GUCY1B1: variants seen among roughly 807,000 people sequenced by gnomAD.
The protein encoded by GUCY1B1 is guanylate cyclase 1 soluble subunit beta 1, also known as guanylate cyclase soluble subunit beta-1.
Under a neutral mutation model 71.0 loss-of-function variants are expected in GUCY1B1, and 43 were observed. The ratio of observed to expected loss-of-function variants is 0.61; its 90% CI spans 0.47 to 0.78. The LOEUF (loss-of-function observed/expected upper bound fraction) is 0.78, where lower values mean the gene tolerates loss of function less well. Ranked by LOEUF, GUCY1B1 falls within the 30% of genes least tolerant of loss-of-function variation. The pLI, the probability that GUCY1B1 is intolerant of heterozygous loss-of-function variation, is 0.00. For synonymous variants in GUCY1B1, 266 were observed against 259.7 expected (o/e 1.02, Z -0.23); for missense variants, 535 against 754.1 (o/e 0.71, Z 3.40).
intron 2 of GUCY1B1, among the ~76,000 whole-genome samples, chr4:155,761,439 T>C (rs1034652262): frequency 6.6e-6 from 1 of 152,310 alleles, no homozygotes. Context: ...ACAATGAATA[T>C]GCTTAGAATT....
chr4:155,792,625 G>A (rs1401800694), intron 5 of GUCY1B1, among the ~76,000 whole-genome samples: 7 of 149,908 alleles, frequency 4.7e-5, no homozygotes, highest in African/African-American at 1.2e-4. Context: ...CAGAGAATGC[G>A]ACAGGGTACT....
rs1381131412 is a variant in GUCY1B1, at chr4:155,806,837, G to A, written c.*428G>A. On this transcript the variant is annotated 3_prime_UTR_variant, in exon 14 of 14. Transcript: ENST00000264424. ...CATATATGTATATGTATATTTTAATGACTATAATGTAATAAAGTTTATATC... is the reference window on the plus strand; with the variant it reads ...CATATATGTATATGTATATTTTAATAACTATAATGTAATAAAGTTTATATC... 6.4e-6 allele frequency: 1 copy of A among 156,904 alleles called. No homozygotes were observed. Among genetic ancestry groups the A allele is most frequent in the African/African-American group, 2.4e-5 (1 of 41,536 alleles). The allele number at this position is 156,904 out of a possible 1,614,324, so 9.7% of individuals were successfully genotyped here. A position where few individuals can be genotyped will look rare whatever the true frequency, so the allele number is the denominator to read the frequency against.
chr4:155,773,247 T>C (rs758194550), intron 2 of GUCY1B1, among the ~76,000 whole-genome samples: 2 of 152,202 alleles, frequency 1.3e-5, no homozygotes, highest in East Asian at 1.9e-4. Flanking sequence ...CAGTTGGCCA[T>C]GTGGGTTTTT....
chr4:155,803,739 T>C lies in GUCY1B1; in HGVS notation c.1529T>C (p.Val510Ala). ...ALDMMEIAGQ[V>A]QVDGESVQIT... The stretch of plus-strand genomic sequence containing the variant: ...GACATGATGGAAATTGCTGGCCAGG[T>C]TCAAGTAGATGGTGAATCTGTTCAG... The change falls in exon 11 of 14, where the codon GTT becomes GCT. Residue 510 changes from valine (V) to alanine (A), a missense_variant. Val to Ala is a moderately conservative substitution (Grantham distance 64). Coordinates refer to ENST00000264424, the MANE Select transcript of GUCY1B1 (RefSeq NM_000857.5). The C allele has an allele frequency of 6.3e-7, 1 of 1,596,618 alleles. No individual in the cohort carries two copies.
At chr4:155,794,338 G>C (rs991325767) in intron 6 of GUCY1B1, among the ~76,000 whole-genome samples, 3 of 151,942 alleles carry the variant, frequency 2.0e-5, no homozygotes, top group African/African-American at 7.3e-5. Flanking sequence ...TAGTATACTT[G>C]TTACAGTGAA....
At position 155,777,500 on chromosome 4, in the gene GUCY1B1, TCCCC is replaced by T. The variant is rs1579210609; in HGVS notation, c.179-23_179-20del. 8.6e-7 allele frequency: 1 copy of T among 1,166,220 alleles called. No homozygotes were observed. The highest frequency in any genetic ancestry group is 1.3e-6 in the Non-Finnish European group (1 of 772,096). The allele number at this position is 1,166,220 out of a possible 1,614,324, so 72.2% of individuals were successfully genotyped here. On this transcript the variant is annotated intron_variant, in intron 3 of 13. Transcript: ENST00000264424. The stretch of plus-strand genomic sequence containing the variant: ...TATTTCACCTATTATATGCTTTTTT[TCCCC>T]TCTTGAATTTGTAAAATAGATCTCA...
At position 155,803,633 on chromosome 4, in the gene GUCY1B1, G is replaced by A; in HGVS notation, c.1423G>A (p.Val475Ile). ...ATATATGTACTGTTAGGTGGAGACT[G>A]TTGGTGACAAGTATATGACAGTGAG... ...KNPFVYKVETVGDKYMTVSGL... is the reference protein window; with the variant it reads ...KNPFVYKVETIGDKYMTVSGL... Residue 475 changes from valine to isoleucine, a missense_variant, in exon 11 of 14, where the codon GTT becomes ATT. Physicochemically the swap from Val to Ile is conservative, Grantham distance 29 (BLOSUM62 3). Transcript: ENST00000264424. 3 of 1,586,380 alleles carry A rather than the reference G, an allele frequency of 1.9e-6. No homozygotes were observed. The highest frequency in any genetic ancestry group is 2.6e-6 in the Non-Finnish European group (3 of 1,166,620).
intron 2 of GUCY1B1, among the ~76,000 whole-genome samples, chr4:155,770,707 G>A (rs1737637437): frequency 6.6e-6 from 1 of 152,168 alleles, no homozygotes. Context: ...GAAAGGAAGT[G>A]GCCCCAGAAA....
At position 155,807,473 on chromosome 4, in the gene GUCY1B1, A is replaced by G. The variant is rs1740394751; in HGVS notation, c.*1064A>G. The G allele has an allele frequency of 6.6e-6, 1 of 152,164 alleles. No individual in the cohort carries two copies. Among genetic ancestry groups the G allele is most frequent in the South Asian group, 2.1e-4 (1 of 4,834 alleles). The allele number at this position is 152,164 out of a possible 1,614,324, so 9.4% of individuals were successfully genotyped here. On this transcript the variant is annotated 3_prime_UTR_variant, in exon 14 of 14. Transcript: ENST00000264424. ...TATCTTTATAAAATAGAGTGCAACT[A>G]CTTTTGTGTAAAAATGTTTGCCTTT... is the stretch of plus-strand genomic sequence containing the variant.
chr4:155,801,220 C>G (rs1739930731), intron 9 of GUCY1B1, among the ~76,000 whole-genome samples: 1 of 151,538 alleles, frequency 6.6e-6, no homozygotes, highest in African/African-American at 2.4e-5. Flanking sequence ...GTACTTATTA[C>G]AGAACTACTT....
chr4:155,796,929 TA>T (rs1739596533), intron 8 of GUCY1B1, among the ~76,000 whole-genome samples: 1 of 152,190 alleles, frequency 6.6e-6, no homozygotes, highest in African/African-American at 2.4e-5. Context: ...GCAAAAAATC[TA>T]AAAGGTCTCT....
chr4:155,787,429 G>C (rs892122892), intron 4 of GUCY1B1, among the ~76,000 whole-genome samples: 1 of 152,202 alleles, frequency 6.6e-6, no homozygotes, highest in Non-Finnish European at 1.5e-5. Context: ...TTATCGAGTT[G>C]AGGAGGTCAT....
intron 7 of GUCY1B1, among the ~76,000 whole-genome samples, chr4:155,796,112 G>A (rs983630420): frequency 5.9e-5 from 9 of 152,146 alleles, no homozygotes; most frequent in Non-Finnish European, 1.2e-4. Context: ...GGATAAAAAA[G>A]ATTCACAAAA....
intron 4 of GUCY1B1, among the ~76,000 whole-genome samples, chr4:155,786,709 G>T (rs370307627): frequency 9.9e-5 from 15 of 151,936 alleles, no homozygotes; most frequent in African/African-American, 3.1e-4. Flanking sequence ...TCCTGACCTT[G>T]TGATCCGCCC....
chr4:155,768,698 TATAA>T (rs1012085772), intron 2 of GUCY1B1, among the ~76,000 whole-genome samples: 47 of 152,148 alleles, frequency 3.1e-4, no homozygotes, highest in African/African-American at 1.1e-3. Context: ...AGGTAATTAG[TATAA>T]ATAAAGGATC....
At position 155,797,735 on chromosome 4, in the gene GUCY1B1, AAAT is replaced by A. The variant is rs148793772; in HGVS notation, c.977+1251_977+1253del. On this transcript the variant is annotated intron_variant, in intron 8 of 13. Transcript: ENST00000264424. ...GGCAACAGAGCAAGACACTGTCTCAAAATAATAATAATAATAATAATAATAATA... is the reference window on the plus strand; with the variant it reads ...GGCAACAGAGCAAGACACTGTCTCAAAATAATAATAATAATAATAATAATA... Among the ~76,000 whole-genome samples, 992 of 144,964 alleles carry A rather than the reference AAAT, an allele frequency of 6.8e-3. 14 individuals carry two copies. Among genetic ancestry groups the A allele is most frequent in the African/African-American group, 0.024 (937 of 39,400 alleles).
At chr4:155,790,518 G>A (rs1739084537) in intron 5 of GUCY1B1, among the ~76,000 whole-genome samples, 1 of 152,136 alleles carries the variant, frequency 6.6e-6, no homozygotes, top group Admixed American at 6.6e-5. Context: ...ACAACAAAGA[G>A]AACCACTGTT....
At chr4:155,759,766 A>T in intron 1 of GUCY1B1, 21 bp from the exon 2 acceptor site, 1 of 1,596,328 alleles carries the variant, frequency 6.3e-7, no homozygotes, top group Non-Finnish European at 8.6e-7. Context: ...CTGACGCTCA[A>T]GTCTCTCCCT....
intron 11 of GUCY1B1, among the ~76,000 whole-genome samples, 183 bp from the exon 12 acceptor site, chr4:155,804,410 C>T (rs757132729): frequency 1.3e-5 from 2 of 151,852 alleles, no homozygotes; most frequent in Non-Finnish European, 2.9e-5. Flanking sequence ...ATACCTAATA[C>T]GTGCGGGGCT....
Sources: gnomAD v4.1 joint callset for allele counts (sites outside exome capture counted in the v4.1 genomes callset) on GRCh38, gnomAD v4.1.1 for gene constraint, MANE v1.5 for transcripts, NCBI Gene and HGNC (gene_info 2026-07-23, HGNC 2026-07-21) for gene names.